Variants in THSD7B observed in about 807,000 individuals in gnomAD.
THSD7B encodes the protein thrombospondin type-1 domain-containing protein 7B.
A neutral mutation model predicts 213.6 loss-of-function variants in THSD7B; 138 were observed. The ratio of observed to expected loss-of-function variants is 0.65; its 90% CI spans 0.56 to 0.74. THSD7B has a LOEUF of 0.74. Among genes scored for constraint, THSD7B ranks in the 30% least tolerant of loss-of-function variants. The pLI is 0.00. For synonymous variants in THSD7B, 742 were observed against 687.0 expected, an observed-to-expected ratio of 1.08 and a Z score of -1.25; for missense variants, 1,931 against 1,991.5, an observed-to-expected ratio of 0.97 and a Z score of 0.58.
At chr2:136,930,268 T>C (rs1191691466) in intron 2 of THSD7B, among the ~76,000 whole-genome samples, 7 of 152,182 alleles carry the variant, frequency 4.6e-5, no homozygotes, top group Admixed American at 4.6e-4. Context: ...TAGGCTATAA[T>C]GAATTATTGG....
intron 15 of THSD7B, among the ~76,000 whole-genome samples, chr2:137,526,517 G>C (rs970667135): frequency 6.6e-6 from 1 of 152,048 alleles, no homozygotes; most frequent in Admixed American, 6.6e-5. Flanking sequence ...TGCCTCCTAG[G>C]TTCAAGCAAT....
rs879835408 is a variant in THSD7B at position 136,818,098 on chromosome 2, G to A, written c.-36+52411G>A. On this transcript the variant is annotated intron_variant, in intron 1 of 27. Coordinates refer to ENST00000409968, the MANE Select transcript of THSD7B (RefSeq NM_001316349.2). ...TGCTGCTATAAAGACACATGCACACGTATGTTTATTGCGGCATTATTCACA... is the reference window on the plus strand; with the variant it reads ...TGCTGCTATAAAGACACATGCACACATATGTTTATTGCGGCATTATTCACA... 5.8e-3 allele frequency among the ~76,000 whole-genome samples: 840 copies of A among 144,444 alleles called. 5 individuals are homozygous for A. The highest frequency in any genetic ancestry group is 9.9e-3 in the Non-Finnish European group (646 of 65,200). 94.8% of individuals were successfully genotyped at this position (144,444 alleles called of 152,430 possible).
intron 15 of THSD7B, among the ~76,000 whole-genome samples, chr2:137,554,975 A>G (rs1348382622): frequency 2.0e-5 from 3 of 151,928 alleles, no homozygotes; most frequent in Non-Finnish European, 4.4e-5. Context: ...GATCAAACTG[A>G]GGCAACAGCA....
intron 3 of THSD7B, among the ~76,000 whole-genome samples, chr2:137,080,198 AATTGT>A (rs1212242322): frequency 1.3e-5 from 2 of 149,170 alleles, no homozygotes; most frequent in African/African-American, 4.9e-5. Flanking sequence ...ATATATATAT[AATTGT>A]ATTGTATTGT....
At chr2:136,794,164 A>G (rs1313777099) in intron 1 of THSD7B, among the ~76,000 whole-genome samples, 1 of 151,618 alleles carries the variant, frequency 6.6e-6, no homozygotes, top group Non-Finnish European at 1.5e-5. Context: ...ATCTTTTCAA[A>G]GAAAGTCTGA....
intron 20 of THSD7B, among the ~76,000 whole-genome samples, chr2:137,631,728 A>G (rs1445872021): frequency 6.6e-6 from 1 of 152,212 alleles, no homozygotes; most frequent in Non-Finnish European, 1.5e-5. Flanking sequence ...ATTCGTTCTT[A>G]TGGCAAAAGA....
At chr2:136,803,874 C>T (rs1178742896) in intron 1 of THSD7B, among the ~76,000 whole-genome samples, 1 of 152,164 alleles carries the variant, frequency 6.6e-6, no homozygotes, top group East Asian at 1.9e-4. Flanking sequence ...GATGTCTCAG[C>T]TCAAGGTGTG....
chr2:137,268,381 C>T (rs1007926092), intron 10 of THSD7B, among the ~76,000 whole-genome samples: 1 of 151,362 alleles, frequency 6.6e-6, no homozygotes, highest in African/African-American at 2.4e-5. Flanking sequence ...TCAATTCCCA[C>T]CTATGAGTGA....
intron 17 of THSD7B, among the ~76,000 whole-genome samples, chr2:137,590,583 A>G (rs1470211779): frequency 6.6e-6 from 1 of 152,070 alleles, no homozygotes; most frequent in Non-Finnish European, 1.5e-5. Context: ...TATATTAGAC[A>G]TCTTTATTTT....
intron 5 of THSD7B, among the ~76,000 whole-genome samples, chr2:137,129,293 C>T (rs1368059803): frequency 1.3e-5 from 2 of 152,080 alleles, no homozygotes; most frequent in Non-Finnish European, 2.9e-5. Flanking sequence ...TCTTTTTTCT[C>T]ATTAGTAGAG....
At chr2:137,065,222 A>T (rs1053078362) in intron 3 of THSD7B, among the ~76,000 whole-genome samples, 1 of 151,704 alleles carries the variant, frequency 6.6e-6, no homozygotes, top group Non-Finnish European at 1.5e-5. Flanking sequence ...CATTGTAGAG[A>T]TCTTTCACTT....
intron 7 of THSD7B, among the ~76,000 whole-genome samples, chr2:137,175,895 A>T (rs1284573181): frequency 6.6e-6 from 1 of 152,194 alleles, no homozygotes; most frequent in Admixed American, 6.6e-5. Context: ...TCCAGACTCC[A>T]TTCAAATAAA....
At chr2:137,516,495 A>C (rs1680072132) in intron 15 of THSD7B, among the ~76,000 whole-genome samples, 1 of 152,204 alleles carries the variant, frequency 6.6e-6, no homozygotes, top group South Asian at 2.1e-4. Context: ...GGGAAAGGAA[A>C]ATGATCAAGC....
intron 20 of THSD7B, among the ~76,000 whole-genome samples, chr2:137,637,143 T>C (rs1055280944): frequency 6.6e-6 from 1 of 152,226 alleles, no homozygotes; most frequent in African/African-American, 2.4e-5. Context: ...GATTTCTTGA[T>C]AGAATAATTA....
chr2:137,451,101 C>T, intron 15 of THSD7B, 78 bp downstream of exon 15: 1 of 1,388,598 alleles, frequency 7.2e-7, no homozygotes, highest in African/African-American at 1.5e-5. Flanking sequence ...TGAAGTCATT[C>T]TCTTATTACA....
intron 13 of THSD7B, among the ~76,000 whole-genome samples, chr2:137,410,187 A>C (rs996896137): frequency 1.3e-5 from 2 of 152,288 alleles, no homozygotes; most frequent in African/African-American, 4.8e-5. Context: ...CTAGTGTCCT[A>C]ATGGTAGAGG....
intron 5 of THSD7B, among the ~76,000 whole-genome samples, chr2:137,138,853 A>ACG (rs1375111575): frequency 6.6e-6 from 1 of 152,030 alleles, no homozygotes; most frequent in East Asian, 1.9e-4. Flanking sequence ...AGATAATTGT[A>ACG]TGTACGTTCT....
chr2:136,881,275 G>T (rs1354231609), intron 1 of THSD7B, among the ~76,000 whole-genome samples: 1 of 152,084 alleles, frequency 6.6e-6, no homozygotes, highest in Non-Finnish European at 1.5e-5. Flanking sequence ...TGGACTTGTT[G>T]TGTATGCATA....
At chr2:137,035,296 G>A (rs1252820928) in intron 2 of THSD7B, among the ~76,000 whole-genome samples, 2 of 152,110 alleles carry the variant, frequency 1.3e-5, no homozygotes, top group African/African-American at 4.8e-5. Context: ...ACCTACATCT[G>A]TTAGGGACGT....
Sources: gnomAD v4.1 joint callset for allele counts (sites outside exome capture counted in the v4.1 genomes callset) on GRCh38, gnomAD v4.1.1 for gene constraint, MANE v1.5 for transcripts, NCBI Gene and HGNC (gene_info 2026-07-23, HGNC 2026-07-21) for gene names.